The following ZFHX3 variants were observed in gnomAD, a reference collection of about 807,000 sequenced individuals.
ZFHX3 encodes the protein zinc finger homeobox protein 3.
Under a neutral mutation model 279.1 loss-of-function variants are expected in ZFHX3, and 42 were observed. The observed-to-expected ratio is 0.15, with a 90% CI of 0.12 to 0.19. The LOEUF (loss-of-function observed/expected upper bound fraction) is 0.19, where lower values mean the gene tolerates loss of function less well. Ranked by LOEUF, ZFHX3 falls within the 10% of genes least tolerant of loss-of-function variation. The pLI is 1.00. For synonymous variants in ZFHX3, 2,293 were observed against 1,957.8 expected, an observed-to-expected ratio of 1.17 and a Z score of -4.52; for missense variants, 4,981 against 4,754.0, an observed-to-expected ratio of 1.05 and a Z score of -1.40.
intron 1 of ZFHX3, among the ~76,000 whole-genome samples, chr16:72,974,696 C>T (rs1250865871): frequency 6.6e-6 from 1 of 152,140 alleles, no homozygotes; most frequent in Non-Finnish European, 1.5e-5. Context: ...CAAAGGGACA[C>T]TCAACAAAGC....
In ZFHX3 at chr16:73,744,414, T is replaced by C. The variant is rs1203875773; in HGVS notation, c.-1607-64174A>G. 2.6e-5 allele frequency among the ~76,000 whole-genome samples: 4 copies of C among 152,194 alleles called. No homozygotes were observed. The East Asian group carries it at 7.7e-4, about 29-fold the overall frequency. On this transcript the variant is annotated intron_variant, in intron 1 of 17. Coordinates refer to the ZFHX3 transcript ENST00000641206. ...TATTCAGCTGGCCAAACTGACAGGC[T>C]AGAAGTGGAGCTTTCAATTATCTAT...
chr16:73,192,306 G>C, intron 5 of ZFHX3, among the ~76,000 whole-genome samples: 1 of 152,158 alleles, frequency 6.6e-6, no homozygotes, highest in Non-Finnish European at 1.5e-5. Flanking sequence ...TTTAGGAAGA[G>C]TGACTGTTTG....
intron 8 of ZFHX3, among the ~76,000 whole-genome samples, chr16:73,086,737 T>C (rs539326935): frequency 6.6e-6 from 1 of 151,812 alleles, no homozygotes; most frequent in South Asian, 2.1e-4. Flanking sequence ...ACCCCATCTG[T>C]ACAAAAAATA....
intron 3 of ZFHX3, among the ~76,000 whole-genome samples, chr16:73,354,322 ATGTAAGGTCCCGAG>A (rs1483938008): frequency 6.6e-6 from 1 of 152,232 alleles, no homozygotes; most frequent in East Asian, 1.9e-4. Flanking sequence ...GGAACTTGAA[ATGTAAGGTCCCGAG>A]TGTATTCATC....
chr16:73,261,232 TA>T (rs986468449), intron 4 of ZFHX3, among the ~76,000 whole-genome samples: 4 of 151,858 alleles, frequency 2.6e-5, no homozygotes, highest in African/African-American at 4.8e-5. Flanking sequence ...ATTGTTAAAC[TA>T]AAAAAAATAC....
intron 1 of ZFHX3, among the ~76,000 whole-genome samples, chr16:73,782,432 A>C (rs575764210): frequency 6.6e-6 from 1 of 152,194 alleles, no homozygotes; most frequent in African/African-American, 2.4e-5. Flanking sequence ...CTGGAAGCCT[A>C]CTCATGAGCA....
intron 1 of ZFHX3, among the ~76,000 whole-genome samples, chr16:73,831,526 T>A (rs1960997416): frequency 6.6e-6 from 1 of 152,196 alleles, no homozygotes; most frequent in African/African-American, 2.4e-5. Flanking sequence ...CGACGCCTAT[T>A]AACATTCACG....
chr16:73,645,267 T>A (rs193013407), intron 2 of ZFHX3, among the ~76,000 whole-genome samples: 5 of 152,330 alleles, frequency 3.3e-5, no homozygotes, highest in Admixed American at 3.3e-4. Flanking sequence ...TATTTTTTAT[T>A]TTTATTGAGA....
At chr16:73,147,025 T>C (rs563141205) in intron 5 of ZFHX3, among the ~76,000 whole-genome samples, 2 of 152,294 alleles carry the variant, frequency 1.3e-5, no homozygotes, top group South Asian at 4.1e-4. Flanking sequence ...AAAGTGAGGT[T>C]GGGAAATGAA....
At chr16:73,350,359 A>G (rs2143284850) in intron 3 of ZFHX3, among the ~76,000 whole-genome samples, 1 of 152,324 alleles carries the variant, frequency 6.6e-6, no homozygotes, top group South Asian at 2.1e-4. Context: ...AATTGCTGAC[A>G]GTGTGCACGG....
At chr16:73,057,954 C>G (rs1255585790) in intron 1 of ZFHX3, among the ~76,000 whole-genome samples, 1 of 147,970 alleles carries the variant, frequency 6.8e-6, no homozygotes, top group African/African-American at 2.4e-5. Flanking sequence ...CCCGGGGCCC[C>G]GGCGCCTCTC....
chr16:73,658,441 T>C (rs2052745109), intron 2 of ZFHX3, among the ~76,000 whole-genome samples: 1 of 152,132 alleles, frequency 6.6e-6, no homozygotes, highest in African/African-American at 2.4e-5. Context: ...TAGCTGGGAT[T>C]ATAGGCATGC....
At chr16:73,743,794 AATG>A (rs1420944913) in intron 1 of ZFHX3, among the ~76,000 whole-genome samples, 6 of 152,186 alleles carry the variant, frequency 3.9e-5, no homozygotes, top group African/African-American at 7.2e-5. Flanking sequence ...CCTGGAAAGA[AATG>A]ATGGACAGAG....
chr16:73,808,863 G>A (rs531584623), intron 1 of ZFHX3, among the ~76,000 whole-genome samples: 7 of 152,244 alleles, frequency 4.6e-5, no homozygotes, highest in Non-Finnish European at 8.8e-5. Context: ...GCAGCCTTAG[G>A]ATAGAAACTG....
At chr16:72,857,171 C>G (rs2037773332) in intron 4 of ZFHX3, among the ~76,000 whole-genome samples, 1 of 152,226 alleles carries the variant, frequency 6.6e-6, no homozygotes, top group African/African-American at 2.4e-5. Context: ...CATACATTGC[C>G]TAGCACTGGA....
Position 72,795,494 on chromosome 16 carries a change from T to C in ZFHX3, c.7188A>G (p.Pro2396=). 6.2e-7 allele frequency: 1 copy of C among 1,614,126 alleles called. No individual in the cohort carries two copies. Among genetic ancestry groups the C allele is most frequent in the Non-Finnish European group, 8.5e-7 (1 of 1,180,028 alleles). Residue 2396 remains proline, a synonymous_variant, in exon 9 of 10, where the codon CCA becomes CCG. Coordinates refer to ENST00000268489, the MANE Select transcript of ZFHX3 (RefSeq NM_006885.4). ...CGGAGGAAGCTGTATTATTGGCTGATGGTGCTGGGGCGCTGTAAGCCTGTG... is the reference window on the plus strand; with the variant it reads ...CGGAGGAAGCTGTATTATTGGCTGACGGTGCTGGGGCGCTGTAAGCCTGTG... ...MPSQAYSAPA[P]SANNTASSAF... is the part of the protein sequence containing the mutation.
At chr16:73,141,424 G>A (rs1388333025) in intron 6 of ZFHX3, among the ~76,000 whole-genome samples, 1 of 151,312 alleles carries the variant, frequency 6.6e-6, no homozygotes, top group African/African-American at 2.4e-5. Flanking sequence ...CAGAGACGGG[G>A]TTTTGCTCTG....
chr16:73,502,149 C>A (rs181937935), intron 2 of ZFHX3, among the ~76,000 whole-genome samples: 1 of 151,972 alleles, frequency 6.6e-6, no homozygotes, highest in Non-Finnish European at 1.5e-5. Flanking sequence ...CATGTTAGGC[C>A]ATCTTGAACG....
intron 5 of ZFHX3, among the ~76,000 whole-genome samples, chr16:73,192,602 A>G (rs1968067030): frequency 6.6e-6 from 1 of 152,164 alleles, no homozygotes. Flanking sequence ...ACAGGCCTAG[A>G]AAAAGACTTC....
Sources: allele counts gnomAD v4.1 joint callset (sites outside exome capture counted in the v4.1 genomes callset), GRCh38; gene constraint gnomAD v4.1.1; transcripts MANE v1.5; gene names NCBI Gene and HGNC (gene_info 2026-07-23, HGNC 2026-07-21).